ALK: variants seen among roughly 807,000 people sequenced by gnomAD.
ALK encodes the protein ALK receptor tyrosine kinase.
ALK carries 74 observed loss-of-function variants against 163.1 expected under a neutral mutation model. The ratio of observed to expected loss-of-function variants is 0.45; its 90% CI spans 0.38 to 0.55. The LOEUF (loss-of-function observed/expected upper bound fraction) is 0.55, where lower values mean the gene tolerates loss of function less well. Ranked by LOEUF, ALK falls within the 20% of genes least tolerant of loss-of-function variation. The pLI is 0.00. For synonymous variants in ALK, 960 were observed against 843.2 expected (o/e 1.14, Z -2.40); for missense variants, 2,063 against 2,105.3 (o/e 0.98, Z 0.39).
At chr2:29,555,868 A>C (rs1404306521) in intron 3 of ALK, among the ~76,000 whole-genome samples, 1 of 152,238 alleles carries the variant, frequency 6.6e-6, no homozygotes, top group Non-Finnish European at 1.5e-5. Flanking sequence ...GAAAAGGAAA[A>C]AGATAACTGT....
intron 5 of ALK, among the ~76,000 whole-genome samples, chr2:29,362,905 C>T (rs1403553004): frequency 6.6e-6 from 1 of 152,286 alleles, no homozygotes; most frequent in South Asian, 2.1e-4. Context: ...TATATAATTT[C>T]TCTTCCATTG....
At chr2:29,698,491 G>T (rs928322107) in intron 2 of ALK, among the ~76,000 whole-genome samples, 1 of 152,228 alleles carries the variant, frequency 6.6e-6, no homozygotes, top group South Asian at 2.1e-4. Flanking sequence ...CCAAAGCTTC[G>T]ACTTCTGCGG....
chr2:29,234,242 G>A (rs531464299), intron 13 of ALK, among the ~76,000 whole-genome samples: 19 of 152,280 alleles, frequency 1.2e-4, no homozygotes, highest in African/African-American at 4.3e-4. Flanking sequence ...GGGCTGGAGG[G>A]AGCGTAAATT....
At chr2:29,401,476 G>T (rs1177192529) in intron 4 of ALK, among the ~76,000 whole-genome samples, 1 of 152,174 alleles carries the variant, frequency 6.6e-6, no homozygotes, top group Non-Finnish European at 1.5e-5. Flanking sequence ...GCATTTGCCT[G>T]TTCATAGAAT....
At chr2:29,304,988 A>T (rs995397331) in intron 8 of ALK, among the ~76,000 whole-genome samples, 3 of 152,190 alleles carry the variant, frequency 2.0e-5, no homozygotes, top group Non-Finnish European at 4.4e-5. Flanking sequence ...ATTTAAGTAG[A>T]TGTGGGTAGG....
At chr2:29,911,217 G>A (rs559240380) in intron 1 of ALK, among the ~76,000 whole-genome samples, 1 of 152,330 alleles carries the variant, frequency 6.6e-6, no homozygotes, top group Non-Finnish European at 1.5e-5. Context: ...GACAGGGAAA[G>A]GAACTTTATG....
chr2:29,449,330 G>A lies in ALK; in HGVS notation c.1155-65471C>T, dbSNP rs571335846. The stretch of plus-strand genomic sequence containing the variant: ...CCTCTGGGGGTCTACAGGAAAGCAC[G>A]TTCATTGCCTAGTGGGTGGGTAAGT... On this transcript the variant is annotated intron_variant, in intron 4 of 28. Coordinates refer to ENST00000389048, the MANE Select transcript of ALK (RefSeq NM_004304.5). Among the ~76,000 whole-genome samples the A allele has an allele frequency of 1.2e-4, 19 of 152,318 alleles. No homozygotes were observed. The South Asian group carries it at 3.3e-3, about 27-fold the overall frequency.
intron 26 of ALK, among the ~76,000 whole-genome samples, chr2:29,200,463 AAATTT>A (rs1669128559): frequency 6.6e-6 from 1 of 152,138 alleles, no homozygotes; most frequent in Non-Finnish European, 1.5e-5. Context: ...ATACCTAGTT[AAATTT>A]GAGTTCCAGA....
chr2:29,254,365 G>A (rs1664902747), intron 11 of ALK, among the ~76,000 whole-genome samples: 1 of 152,080 alleles, frequency 6.6e-6, no homozygotes, highest in African/African-American at 2.4e-5. Flanking sequence ...AGAGTGCTAG[G>A]GAAGACATCT....
intron 3 of ALK, among the ~76,000 whole-genome samples, chr2:29,619,120 TA>T (rs991226701): frequency 6.6e-5 from 10 of 152,226 alleles, no homozygotes; most frequent in Non-Finnish European, 1.2e-4. Context: ...TAGATGAGGT[TA>T]AATATTTAAG....
At chr2:29,807,350 C>T (rs1277991933) in intron 1 of ALK, among the ~76,000 whole-genome samples, 3 of 152,186 alleles carry the variant, frequency 2.0e-5, no homozygotes, top group Admixed American at 1.3e-4. Flanking sequence ...GAGTCTTGTG[C>T]TATTGATTTT....
rs563693687 is a variant in ALK, at chr2:29,262,258, C to T, written c.2042-10991G>A. Among the ~76,000 whole-genome samples the T allele has an allele frequency of 6.6e-5, 10 of 152,342 alleles. No homozygotes were observed. In the East Asian group the frequency reaches 7.7e-4, roughly 12 times the overall value. On this transcript the variant is annotated intron_variant, in intron 11 of 28. Coordinates refer to ENST00000389048, the MANE Select transcript of ALK (RefSeq NM_004304.5). Reference sequence around the variant, plus strand: ...CATCACCTTCCCTCTTTCTACAACACGAACTGTTTTCAGTTGATGAATTTT... The same window carrying T: ...CATCACCTTCCCTCTTTCTACAACATGAACTGTTTTCAGTTGATGAATTTT...
At chr2:29,592,731 G>A (rs6723661) in intron 3 of ALK, among the ~76,000 whole-genome samples, 5,330 of 152,240 alleles carry the variant, frequency 0.035, 304 homozygotes, top group African/African-American at 0.12. Context: ...TGGTAACAGC[G>A]TCTTTGCAGA....
At chr2:29,560,827 C>A (rs1231046940) in intron 3 of ALK, among the ~76,000 whole-genome samples, 4 of 152,102 alleles carry the variant, frequency 2.6e-5, no homozygotes, top group Non-Finnish European at 5.9e-5. Context: ...CTAACTTGGC[C>A]TCCCAAAATG....
chr2:29,637,641 G>A (rs1676574730), intron 3 of ALK, among the ~76,000 whole-genome samples: 1 of 149,390 alleles, frequency 6.7e-6, no homozygotes, highest in African/African-American at 2.5e-5. Flanking sequence ...CCCACGAGGT[G>A]GAGGTTGCAG....
At chr2:29,625,383 CA>C (rs1284298357) in intron 3 of ALK, among the ~76,000 whole-genome samples, 1 of 152,170 alleles carries the variant, frequency 6.6e-6, no homozygotes, top group Non-Finnish European at 1.5e-5. Context: ...CGCATTTTCC[CA>C]AAAGCTTTCC....
intron 4 of ALK, among the ~76,000 whole-genome samples, chr2:29,385,360 T>C (rs1040606055): frequency 4.1e-5 from 6 of 147,898 alleles, no homozygotes; most frequent in African/African-American, 9.9e-5. Context: ...AGTCACCACC[T>C]AAGGAAACAA....
intron 26 of ALK, among the ~76,000 whole-genome samples, chr2:29,205,339 T>C (rs1669284333): frequency 6.6e-6 from 1 of 152,266 alleles, no homozygotes; most frequent in African/African-American, 2.4e-5. Context: ...TAGAAAGTTC[T>C]GTGTAACACA....
At chr2:29,374,293 C>T (rs1402583329) in intron 5 of ALK, among the ~76,000 whole-genome samples, 1 of 152,024 alleles carries the variant, frequency 6.6e-6, no homozygotes, top group Non-Finnish European at 1.5e-5. Context: ...AATGAAAACT[C>T]ATAGATTTAG....
Sources: gnomAD v4.1 joint callset for allele counts (sites outside exome capture counted in the v4.1 genomes callset) on GRCh38, gnomAD v4.1.1 for gene constraint, MANE v1.5 for transcripts, NCBI Gene and HGNC (gene_info 2026-07-23, HGNC 2026-07-21) for gene names.